The following PITX3 variants were observed in gnomAD, a reference collection of about 807,000 sequenced individuals.
The protein encoded by PITX3 is paired like homeodomain 3.
A neutral mutation model predicts 14.2 loss-of-function variants in PITX3; 4 were observed. That is an observed-to-expected ratio of 0.28 (90% CI 0.14 to 0.65). PITX3 has a LOEUF of 0.65. PITX3 is among the 30% of genes least tolerant of loss of function. PITX3 has a pLI of 0.82. For synonymous variants in PITX3, 194 were observed against 204.5 expected, an observed-to-expected ratio of 0.95 and a Z score of 0.44; for missense variants, 358 against 426.8, an observed-to-expected ratio of 0.84 and a Z score of 1.42.
rs2070526680 is a variant in PITX3, at chr10:102,241,197, G to A, written c.-13+136C>T. On this transcript the variant is annotated intron_variant, in intron 1 of 3. Transcript: ENST00000370002. This position sits in a 1 kb window ranked among gnomAD's most constrained non-coding sequence, Gnocchi z 6.7. ...CCCAAGTCCTGGCCCCAGGTCTGCA[G>A]TCCGCCCTCCCATTCTCGACCTGTT... 6.5e-6 allele frequency: 1 copy of A among 152,722 alleles called. No homozygotes were observed. The highest frequency in any genetic ancestry group is 1.5e-5 in the Non-Finnish European group (1 of 68,424). 9.5% of individuals were successfully genotyped at this position (152,722 alleles called of 1,614,324 possible). A position where few individuals can be genotyped will look rare whatever the true frequency, so the allele number is the denominator to read the frequency against.
chr10:102,237,183 C>T (rs1418361748), intron 1 of PITX3, among the ~76,000 whole-genome samples: 1 of 151,922 alleles, frequency 6.6e-6, no homozygotes, highest in African/African-American at 2.4e-5. Context: ...GGGAGGCAAA[C>T]AGAGCACAGG....
rs2070457465 is a variant in PITX3, at chr10:102,238,420, C to T, written c.-13+2913G>A. 2.0e-5 allele frequency among the ~76,000 whole-genome samples: 3 copies of T among 152,210 alleles called. No individual in the cohort carries two copies. The South Asian group carries it at 6.2e-4, about 32-fold the overall frequency. ...GCAGGAGGCAGGCAGAGATATTTGG[C>T]CTGGTAGACAGGCTGAGCATTTGGG... On this transcript the variant is annotated intron_variant, in intron 1 of 3. Coordinates refer to ENST00000370002, the MANE Select transcript of PITX3 (RefSeq NM_005029.4).
chr10:102,230,941 A>G lies in PITX3; in HGVS notation c.482T>C (p.Leu161Pro). The change falls in exon 4 of 4, where the codon CTT (leucine) becomes CCT (proline). Residue 161 changes from leucine (L) to proline (P), a missense_variant. By Grantham distance (98) the Leu-to-Pro change is moderately conservative (BLOSUM62 -3). This residue lies in a region of PITX3 where 236 missense variants were observed against 250.2 expected (regional missense o/e 0.94). Coordinates refer to ENST00000370002, the MANE Select transcript of PITX3 (RefSeq NM_005029.4). The part of the protein sequence containing the change: ...YSYGNWPPKA[L>P]APPLAAKTFP... ...GGTCTTGGCGGCGAGCGGCGGGGCA[A>G]GAGCCTTGGGCGGCCAGTTGCCGTA... The G allele has an allele frequency of 6.2e-7, 1 of 1,608,868 alleles. No individual in the cohort carries two copies. The highest frequency in any genetic ancestry group is 8.5e-7 in the Non-Finnish European group (1 of 1,178,196).
At chr10:102,240,520 G>A (rs1231433004) in intron 1 of PITX3, among the ~76,000 whole-genome samples, 2 of 152,250 alleles carry the variant, frequency 1.3e-5, no homozygotes, top group East Asian at 3.8e-4. Flanking sequence ...CATCGCACAC[G>A]CAGCAGCTGG....
intron 1 of PITX3, among the ~76,000 whole-genome samples, chr10:102,237,854 GCCT>G (rs1327620080): frequency 6.6e-6 from 1 of 151,792 alleles, no homozygotes; most frequent in African/African-American, 2.4e-5. Context: ...TGTGTGTCAT[GCCT>G]CCTCCACTCC....
At chr10:102,237,849 G>A (rs1027742709) in intron 1 of PITX3, among the ~76,000 whole-genome samples, 1 of 151,944 alleles carries the variant, frequency 6.6e-6, no homozygotes, top group Non-Finnish European at 1.5e-5. Flanking sequence ...TAGACTGTGT[G>A]TCATGCCTCC....
rs943206913 is a variant in PITX3 at position 102,231,895 on chromosome 10, G to T, written c.118+68C>A. 4.5e-6 allele frequency: 7 copies of T among 1,560,196 alleles called. No homozygotes were observed. In the African/African-American group the frequency reaches 5.4e-5, roughly 12 times the overall value. The stretch of plus-strand genomic sequence containing the variant: ...CGCTGGCTCCCACCGGGGCTGCCCA[G>T]CCGGGGTCCCACCCGCACTGGGGAT... On this transcript the variant is annotated intron_variant, in intron 2 of 3. Transcript: ENST00000370002.
intron 1 of PITX3, among the ~76,000 whole-genome samples, chr10:102,237,693 T>A (rs748484333): frequency 1.3e-5 from 2 of 152,232 alleles, no homozygotes; most frequent in Non-Finnish European, 2.9e-5. Flanking sequence ...ACCAGCTTTA[T>A]GTTAAAAATG....
chr10:102,231,228 G>A, intron 3 of PITX3, 127 bp from the exon 4 acceptor site: 1 of 948,400 alleles, frequency 1.1e-6, no homozygotes, highest in Non-Finnish European at 1.5e-6. Context: ...GGCTAGAGAC[G>A]GGGTGGGAGG....
chr10:102,240,553 A>G (rs912610934), intron 1 of PITX3, among the ~76,000 whole-genome samples: 5 of 152,230 alleles, frequency 3.3e-5, no homozygotes, highest in African/African-American at 1.2e-4. Flanking sequence ...GGGTAGACGG[A>G]CATGCCACCC....
At chr10:102,233,923 C>T (rs577328018) in intron 1 of PITX3, among the ~76,000 whole-genome samples, 46 of 152,302 alleles carry the variant, frequency 3.0e-4, no homozygotes, top group Non-Finnish European at 5.7e-4. Context: ...TCCCAGGACC[C>T]CTCTGCTGCG....
At chr10:102,236,975 A>T (rs940738108) in intron 1 of PITX3, among the ~76,000 whole-genome samples, 12 of 152,200 alleles carry the variant, frequency 7.9e-5, no homozygotes, top group Non-Finnish European at 4.4e-5. Context: ...TGCAGTGTGC[A>T]AATGGGAGCA....
At position 102,232,030 on chromosome 10, in the gene PITX3, C is replaced by T; in HGVS notation, c.51G>A (p.Ser17=). The change falls in exon 2 of 4, where the codon TCG becomes TCA. Residue 17 remains serine (S), a synonymous_variant. Coordinates refer to ENST00000370002, the MANE Select transcript of PITX3 (RefSeq NM_005029.4). ...SEAEARSPAL[S]LSDAGTPHPQ... is the part of the protein sequence containing the mutation. ...GGTGCGGAGTGCCAGCGTCTGACAG[C>T]GACAGGGCAGGGCTCCGGGCCTCTG... The T allele has an allele frequency of 1.9e-6, 3 of 1,607,860 alleles. No homozygotes were observed. The highest frequency in any genetic ancestry group is 2.2e-5 in the East Asian group (1 of 44,792).
chr10:102,234,474 C>T (rs922793370), intron 1 of PITX3, among the ~76,000 whole-genome samples: 5 of 152,236 alleles, frequency 3.3e-5, no homozygotes, highest in East Asian at 1.9e-4. Context: ...CCTTCCAGGT[C>T]GGGTCAGGTC....
In PITX3 at chr10:102,230,334, G is replaced by A; in HGVS notation, c.*180C>T. 2.2e-6 allele frequency: 2 copies of A among 920,990 alleles called. No homozygotes were observed. Among genetic ancestry groups the A allele is most frequent in the Admixed American group, 6.0e-5 (2 of 33,390 alleles). The allele number at this position is 920,990 out of a possible 1,614,324, so 57.1% of individuals were successfully genotyped here. A position where few individuals can be genotyped will look rare whatever the true frequency, so the allele number is the denominator to read the frequency against. On this transcript the variant is annotated 3_prime_UTR_variant, in exon 4 of 4. Coordinates refer to ENST00000370002, the MANE Select transcript of PITX3 (RefSeq NM_005029.4). The stretch of plus-strand genomic sequence containing the variant: ...GTCCCAGGGGCGCGGTCTGTGTGTA[G>A]GGCCTAGTCCACCCCTCAGGGCTGG...
chr10:102,230,231 G>C lies in PITX3; in HGVS notation c.*283C>G. On this transcript the variant is annotated 3_prime_UTR_variant, in exon 4 of 4. Transcript: ENST00000370002. The stretch of plus-strand genomic sequence containing the variant: ...TATTTCATTTATCTTTGAAAACGAG[G>C]GAGGGGAAGCCTGGAGAAGGCGGGA... 1 of 449,214 alleles carries C rather than the reference G, an allele frequency of 2.2e-6. No individual in the cohort carries two copies. Among genetic ancestry groups the C allele is most frequent in the South Asian group, 4.8e-5 (1 of 20,702 alleles). 27.8% of individuals were successfully genotyped at this position (449,214 alleles called of 1,614,324 possible).
chr10:102,230,314 A>T lies in PITX3; in HGVS notation c.*200T>A. On this transcript the variant is annotated 3_prime_UTR_variant, in exon 4 of 4. Coordinates refer to ENST00000370002, the MANE Select transcript of PITX3 (RefSeq NM_005029.4). ...GGTCCCTGTTCCTGGCTTTAGTCCC[A>T]GGGGCGCGGTCTGTGTGTAGGGCCT... 1 of 702,646 alleles carries T rather than the reference A, an allele frequency of 1.4e-6. No homozygotes were observed. Among genetic ancestry groups the T allele is most frequent in the Non-Finnish European group, 2.2e-6 (1 of 463,712 alleles). The allele number at this position is 702,646 out of a possible 1,614,324, so 43.5% of individuals were successfully genotyped here.
intron 1 of PITX3, 39 bp from the exon 2 acceptor site, chr10:102,232,131 T>TA (rs1478927485): frequency 2.6e-6 from 3 of 1,164,312 alleles, no homozygotes; most frequent in South Asian, 1.3e-5. Context: ...GTAATGGGGG[T>TA]AAAATCTCCG....
intron 1 of PITX3, among the ~76,000 whole-genome samples, chr10:102,232,769 T>C (rs1252146905): frequency 6.6e-6 from 1 of 152,220 alleles, no homozygotes; most frequent in African/African-American, 2.4e-5. Flanking sequence ...CTCACCTGAA[T>C]GCTTAGTATC....
Sources: allele counts gnomAD v4.1 joint callset (sites outside exome capture counted in the v4.1 genomes callset), GRCh38; gene constraint gnomAD v4.1.1; regional missense constraint gnomAD v4.1.1; non-coding constraint Gnocchi (gnomAD v3.1); transcripts MANE v1.5; gene names NCBI Gene and HGNC (gene_info 2026-07-23, HGNC 2026-07-21).